Variants in AJAP1 observed in about 807,000 individuals in gnomAD.
The protein encoded by AJAP1 is adherens junctions associated protein 1.
AJAP1 carries 5 observed loss-of-function variants against 35.0 expected under a neutral mutation model. The ratio of observed to expected loss-of-function variants is 0.14; its 90% CI spans 0.07 to 0.30. AJAP1 has a LOEUF of 0.30. Ranked by LOEUF, AJAP1 falls within the 10% of genes least tolerant of loss-of-function variation. AJAP1 has a pLI of 1.00. For synonymous variants in AJAP1, 284 were observed against 249.3 expected, an observed-to-expected ratio of 1.14 and a Z score of -1.31; for missense variants, 586 against 571.0, an observed-to-expected ratio of 1.03 and a Z score of -0.27.
chr1:4,731,520 C>T (rs1557630245), intron 2 of AJAP1, among the ~76,000 whole-genome samples: 1 of 152,222 alleles, frequency 6.6e-6, no homozygotes, highest in Non-Finnish European at 1.5e-5. Flanking sequence ...AAGGTGTGAA[C>T]ATTTTGCGTG....
rs1642092720 is a variant in AJAP1, at chr1:4,782,904, A to T, written c.*419A>T. 2 of 398,534 alleles carry T rather than the reference A, an allele frequency of 5.0e-6. No homozygotes were observed. Among genetic ancestry groups the T allele is most frequent in the Non-Finnish European group, 8.8e-6 (2 of 226,050 alleles). The allele number at this position is 398,534 out of a possible 1,614,324, so 24.7% of individuals were successfully genotyped here. On this transcript the variant is annotated 3_prime_UTR_variant, in exon 6 of 6. Transcript: ENST00000378191. The surrounding 1 kb of genome is among the most constrained non-coding windows in gnomAD (Gnocchi z 5.3). Reference sequence around the variant, plus strand: ...TAATACCATTATGTGCCATGTACTGACCCGAAAGGCTCGGCCGCAGAGCCG... The same window carrying T: ...TAATACCATTATGTGCCATGTACTGTCCCGAAAGGCTCGGCCGCAGAGCCG...
intron 2 of AJAP1, among the ~76,000 whole-genome samples, chr1:4,758,552 G>A (rs1263145083): frequency 3.3e-5 from 5 of 152,100 alleles, no homozygotes; most frequent in Non-Finnish European, 7.4e-5. Context: ...GGTCTCGTGA[G>A]AACTCACTAC....
At chr1:4,779,873 G>A (rs546352937) in intron 5 of AJAP1, among the ~76,000 whole-genome samples, 2 of 151,986 alleles carry the variant, frequency 1.3e-5, no homozygotes, top group Non-Finnish European at 2.9e-5. Context: ...GGCCAGGCAC[G>A]GTGGCTCACA....
chr1:4,690,056 C>T (rs889148479), intron 1 of AJAP1, among the ~76,000 whole-genome samples: 6 of 152,156 alleles, frequency 3.9e-5, no homozygotes, highest in African/African-American at 1.2e-4. Flanking sequence ...ACCTGGCCAA[C>T]GATGGATGCA....
At chr1:4,679,542 C>T (rs1639429849) in intron 1 of AJAP1, among the ~76,000 whole-genome samples, 2 of 152,078 alleles carry the variant, frequency 1.3e-5, no homozygotes, top group Admixed American at 6.6e-5. Flanking sequence ...AATATATTAC[C>T]TCATAGTTCT....
At chr1:4,780,059 G>T (rs1209373673) in intron 5 of AJAP1, among the ~76,000 whole-genome samples, 1 of 144,654 alleles carries the variant, frequency 6.9e-6, no homozygotes, top group African/African-American at 2.6e-5. Context: ...CAGGAGAATC[G>T]CTTGAACCCA....
chr1:4,673,338 A>G (rs927790699), intron 1 of AJAP1, among the ~76,000 whole-genome samples: 7 of 152,216 alleles, frequency 4.6e-5, no homozygotes, highest in Non-Finnish European at 1.0e-4. Flanking sequence ...CTGACGGCCC[A>G]GTGTTCTCAC....
intron 1 of AJAP1, among the ~76,000 whole-genome samples, chr1:4,668,783 G>A (rs866390434): frequency 2.6e-5 from 4 of 152,342 alleles, no homozygotes; most frequent in South Asian, 2.1e-4. Flanking sequence ...TAATGCCCAC[G>A]GGGTGGAGCC....
chr1:4,688,307 TGA>T (rs1161358807), intron 1 of AJAP1, among the ~76,000 whole-genome samples: 1 of 151,816 alleles, frequency 6.6e-6, no homozygotes, highest in Non-Finnish European at 1.5e-5. Context: ...AGAGAGACAG[TGA>T]GAGAGGGAGA....
intron 2 of AJAP1, among the ~76,000 whole-genome samples, chr1:4,755,926 G>A (rs1040369077): frequency 4.6e-5 from 7 of 152,228 alleles, no homozygotes; most frequent in East Asian, 1.9e-4. Flanking sequence ...TTGATCAGAC[G>A]TCACCTGGGG....
chr1:4,724,229 C>T (rs962082591), intron 2 of AJAP1, among the ~76,000 whole-genome samples: 3 of 152,078 alleles, frequency 2.0e-5, no homozygotes, highest in East Asian at 1.9e-4. Flanking sequence ...GTGGTGATGG[C>T]GGCCGGGATG....
At chr1:4,750,874 C>G (rs1382758845) in intron 2 of AJAP1, among the ~76,000 whole-genome samples, 1 of 146,980 alleles carries the variant, frequency 6.8e-6, no homozygotes, top group Non-Finnish European at 1.5e-5. Context: ...GAGCTGGTGG[C>G]ATACTAGATG....
At chr1:4,735,159 C>A (rs1640889888) in intron 2 of AJAP1, among the ~76,000 whole-genome samples, 1 of 152,246 alleles carries the variant, frequency 6.6e-6, no homozygotes, top group Non-Finnish European at 1.5e-5. Flanking sequence ...TTACAAAAGC[C>A]TGCCACAGCA....
At chr1:4,780,982 C>G (rs1227967831) in intron 5 of AJAP1, among the ~76,000 whole-genome samples, 1 of 152,138 alleles carries the variant, frequency 6.6e-6, no homozygotes, top group African/African-American at 2.4e-5. Flanking sequence ...AGGTGACGCC[C>G]AGGGCCCAGC....
intron 1 of AJAP1, among the ~76,000 whole-genome samples, chr1:4,665,365 A>G (rs1300921005): frequency 6.6e-6 from 1 of 151,416 alleles, no homozygotes; most frequent in African/African-American, 2.4e-5. Context: ...CATTTTGGGG[A>G]CTCTTGATTA....
intron 2 of AJAP1, among the ~76,000 whole-genome samples, chr1:4,765,375 A>G (rs1375285131): frequency 6.6e-6 from 1 of 152,170 alleles, no homozygotes; most frequent in African/African-American, 2.4e-5. Flanking sequence ...AGGATTGCTC[A>G]GGGGCAGCAG....
intron 1 of AJAP1, among the ~76,000 whole-genome samples, chr1:4,673,114 G>A (rs893476060): frequency 7.9e-5 from 12 of 152,140 alleles, no homozygotes; most frequent in African/African-American, 2.9e-4. Flanking sequence ...TCTCCAGAAG[G>A]AGACACAGCC....
intron 1 of AJAP1, 104 bp from the exon 2 acceptor site, chr1:4,711,796 A>T (rs756824128): frequency 1.4e-4 from 120 of 880,282 alleles, no homozygotes; most frequent in Non-Finnish European, 1.9e-4. Context: ...CCAGAAGAAG[A>T]GAGCGTCCTT....
chr1:4,742,486 C>A (rs1273312213), intron 2 of AJAP1, among the ~76,000 whole-genome samples: 1 of 152,100 alleles, frequency 6.6e-6, no homozygotes, highest in Non-Finnish European at 1.5e-5. Context: ...GACTCAAATG[C>A]AAGTTGGGAG....
Sources: gnomAD v4.1 joint callset for allele counts (sites outside exome capture counted in the v4.1 genomes callset) on GRCh38, gnomAD v4.1.1 for gene constraint, Gnocchi (gnomAD v3.1) non-coding constraint, MANE v1.5 for transcripts, NCBI Gene and HGNC (gene_info 2026-07-23, HGNC 2026-07-21) for gene names.